Variants in FAM227B observed in about 807,000 individuals in gnomAD.
FAM227B encodes family with sequence similarity 227 member B.
Under a neutral mutation model 73.8 loss-of-function variants are expected in FAM227B, and 88 were observed. That is an observed-to-expected ratio of 1.19 (90% CI 1.00 to 1.42). The LOEUF (loss-of-function observed/expected upper bound fraction) is 1.42. Ranked by LOEUF, FAM227B falls within the 40% of genes most tolerant of loss-of-function variation. The pLI is 0.00. For synonymous variants in FAM227B, 210 were observed against 190.5 expected (o/e 1.10, Z -0.84); for missense variants, 632 against 590.9 (o/e 1.07, Z -0.72).
At chr15:49,349,523 A>G (rs1334336161) in intron 13 of FAM227B, among the ~76,000 whole-genome samples, 1 of 152,148 alleles carries the variant, frequency 6.6e-6, no homozygotes, top group African/African-American at 2.4e-5. Flanking sequence ...TCTCTATTAC[A>G]TAAGTTTTAA....
At chr15:49,522,318 A>G (rs1487219634) in intron 10 of FAM227B, among the ~76,000 whole-genome samples, 2 of 152,198 alleles carry the variant, frequency 1.3e-5, no homozygotes, top group African/African-American at 4.8e-5. Context: ...ATGATAGCAA[A>G]TTTAAAAATA....
At chr15:49,355,138 G>GA (rs1422177071) in intron 13 of FAM227B, among the ~76,000 whole-genome samples, 3 of 151,440 alleles carry the variant, frequency 2.0e-5, no homozygotes, top group Non-Finnish European at 2.9e-5. Context: ...CAAAGATGGG[G>GA]AAAAAACAGA....
chr15:49,541,612 T>A (rs1229685208), intron 10 of FAM227B, 68 bp downstream of exon 10: 2 of 1,295,226 alleles, frequency 1.5e-6, no homozygotes, highest in Non-Finnish European at 2.0e-6. Flanking sequence ...ATGGAATAAA[T>A]AAAATACTGC....
chr15:49,399,176 G>A (rs915724126), intron 11 of FAM227B, among the ~76,000 whole-genome samples: 58 of 144,316 alleles, frequency 4.0e-4, no homozygotes, highest in African/African-American at 1.4e-3. Context: ...TATCACCACC[G>A]ATCCCACAGA....
chr15:49,596,900 C>T (rs8029303), intron 3 of FAM227B, among the ~76,000 whole-genome samples: 3 of 151,758 alleles, frequency 2.0e-5, no homozygotes, highest in South Asian at 4.2e-4. Flanking sequence ...TGATGAAAGG[C>T]CTAGTCCAAC....
At position 49,367,377 on chromosome 15, in the gene FAM227B, A is replaced by G. The variant is rs772564595; in HGVS notation, c.1271+71T>C. ...GCATTCAATTTGTTTCTCAATTGAGACATTCAGTGAAATGTTTTGAATATT... is the reference window on the plus strand; with the variant it reads ...GCATTCAATTTGTTTCTCAATTGAGGCATTCAGTGAAATGTTTTGAATATT... On this transcript the variant is annotated intron_variant, in intron 13 of 15. Coordinates refer to ENST00000299338, the MANE Select transcript of FAM227B (RefSeq NM_152647.3). 343 of 1,288,614 alleles carry G rather than the reference A, an allele frequency of 2.7e-4. 1 individual carries two copies. Among genetic ancestry groups the G allele is most frequent in the Middle Eastern group, 5.5e-4 (2 of 3,642 alleles). 79.8% of individuals were successfully genotyped at this position (1,288,614 alleles called of 1,614,324 possible).
intron 11 of FAM227B, among the ~76,000 whole-genome samples, chr15:49,382,814 ACT>A (rs1449916411): frequency 1.1e-4 from 17 of 152,110 alleles, no homozygotes; most frequent in East Asian, 7.7e-4. Context: ...TAAAGAAAAG[ACT>A]CTATGGGTAG....
At chr15:49,532,067 AT>A (rs2060652654) in intron 10 of FAM227B, among the ~76,000 whole-genome samples, 1 of 149,144 alleles carries the variant, frequency 6.7e-6, no homozygotes. Context: ...TATATAAAAT[AT>A]ACATAATATT....
At chr15:49,510,311 T>A (rs965456877) in intron 10 of FAM227B, among the ~76,000 whole-genome samples, 1 of 152,274 alleles carries the variant, frequency 6.6e-6, no homozygotes, top group African/African-American at 2.4e-5. Context: ...CAGTTTTCTC[T>A]TTTTGAATAT....
At chr15:49,439,231 A>G (rs758346936) in intron 11 of FAM227B, among the ~76,000 whole-genome samples, 2 of 151,450 alleles carry the variant, frequency 1.3e-5, no homozygotes, top group Non-Finnish European at 3.0e-5. Context: ...GAGTGTCCTT[A>G]TAACATGGCA....
intron 11 of FAM227B, among the ~76,000 whole-genome samples, chr15:49,493,191 T>A (rs1387299162): frequency 6.6e-6 from 1 of 152,006 alleles, no homozygotes; most frequent in Non-Finnish European, 1.5e-5. Context: ...CAAGTCCTCG[T>A]CTCAATTCCT....
chr15:49,457,200 G>C (rs920604236), intron 11 of FAM227B, among the ~76,000 whole-genome samples: 1 of 151,984 alleles, frequency 6.6e-6, no homozygotes, highest in Non-Finnish European at 1.5e-5. Context: ...CAGTTTATTG[G>C]ATTCATTGGA....
At chr15:49,421,941 C>G (rs905737907) in intron 11 of FAM227B, among the ~76,000 whole-genome samples, 2 of 152,154 alleles carry the variant, frequency 1.3e-5, no homozygotes, top group Non-Finnish European at 2.9e-5. Context: ...GAACATTCAA[C>G]ATTTGGCATA....
At chr15:49,509,927 TAC>T (rs1330486219) in intron 10 of FAM227B, among the ~76,000 whole-genome samples, 6 of 152,306 alleles carry the variant, frequency 3.9e-5, no homozygotes, top group African/African-American at 1.4e-4. Flanking sequence ...ATAAAATTTA[TAC>T]AGACATACAA....
At chr15:49,515,582 T>C (rs921116739) in intron 10 of FAM227B, among the ~76,000 whole-genome samples, 1 of 152,186 alleles carries the variant, frequency 6.6e-6, no homozygotes, top group African/African-American at 2.4e-5. Flanking sequence ...TAAGTAGTTT[T>C]AACGCCTGAA....
At chr15:49,465,954 G>C (rs2054231770) in intron 11 of FAM227B, among the ~76,000 whole-genome samples, 1 of 152,048 alleles carries the variant, frequency 6.6e-6, no homozygotes, top group Non-Finnish European at 1.5e-5. Context: ...AAGTACTGGG[G>C]GTTAGCTGAA....
rs549868613 is a variant in FAM227B at position 49,620,738 on chromosome 15, C to T, written c.-111G>A. 6.6e-6 allele frequency: 1 copy of T among 152,378 alleles called. No individual in the cohort carries two copies. Among genetic ancestry groups the T allele is most frequent in the South Asian group, 2.1e-4 (1 of 4,830 alleles). 9.4% of individuals were successfully genotyped at this position (152,378 alleles called of 1,614,324 possible). A position where few individuals can be genotyped will look rare whatever the true frequency, so the allele number is the denominator to read the frequency against. On this transcript the variant is annotated 5_prime_UTR_variant, in exon 1 of 16. Transcript: ENST00000299338. ...TGACAGTATGTTTCGAGAACCGCTTCCCAATTTTGTTGTCCCAGCAAGAAT... is the reference window on the plus strand; with the variant it reads ...TGACAGTATGTTTCGAGAACCGCTTTCCAATTTTGTTGTCCCAGCAAGAAT...
intron 3 of FAM227B, among the ~76,000 whole-genome samples, chr15:49,597,503 T>C (rs2076950766): frequency 6.6e-6 from 1 of 151,914 alleles, no homozygotes; most frequent in South Asian, 2.1e-4. Flanking sequence ...ATTGAATACC[T>C]ACATCAAAAA....
chr15:49,522,305 T>A (rs2059846933), intron 10 of FAM227B, among the ~76,000 whole-genome samples: 1 of 152,192 alleles, frequency 6.6e-6, no homozygotes, highest in South Asian at 2.1e-4. Flanking sequence ...AAGTCCCATC[T>A]AAATGATAGC....
Sources: gnomAD v4.1 joint callset for allele counts (sites outside exome capture counted in the v4.1 genomes callset) on GRCh38, gnomAD v4.1.1 for gene constraint, MANE v1.5 for transcripts, NCBI Gene and HGNC (gene_info 2026-07-23, HGNC 2026-07-21) for gene names.